Variants in SPAST observed in about 807,000 individuals in gnomAD.
SPAST encodes the protein spastic paraplegia 4 (autosomal dominant; spastin).
In SPAST, 30 loss-of-function variants were observed where a neutral mutation model predicts 76.6. The ratio of observed to expected loss-of-function variants is 0.39; its 90% CI spans 0.29 to 0.53. The LOEUF is 0.53. Among genes scored for constraint, SPAST ranks in the 20% least tolerant of loss-of-function variants. The pLI, the probability that SPAST is intolerant of heterozygous loss-of-function variation, is 0.68. For synonymous variants in SPAST, 305 were observed against 281.0 expected, an observed-to-expected ratio of 1.09 and a Z score of -0.86; for missense variants, 717 against 770.5, an observed-to-expected ratio of 0.93 and a Z score of 0.82.
chr2:32,093,646 T>C (rs1677809585), intron 3 of SPAST, among the ~76,000 whole-genome samples: 1 of 152,190 alleles, frequency 6.6e-6, no homozygotes, highest in Non-Finnish European at 1.5e-5. Context: ...GAATATAAAC[T>C]CTATGGAGGA....
At chr2:32,140,421 G>T (rs1285095719) in intron 12 of SPAST, among the ~76,000 whole-genome samples, 1 of 152,014 alleles carries the variant, frequency 6.6e-6, no homozygotes, top group Non-Finnish European at 1.5e-5. Context: ...CCAGGAGTTT[G>T]AGACCAGCCT....
chr2:32,105,678 C>T (rs144047842), intron 4 of SPAST, among the ~76,000 whole-genome samples: 1,561 of 152,300 alleles, frequency 0.01, 18 homozygotes, highest in Middle Eastern at 0.051. Flanking sequence ...TTCCTTCTAA[C>T]ACTCAGGACC....
At chr2:32,067,486 A>G (rs1299057845) in intron 1 of SPAST, among the ~76,000 whole-genome samples, 1 of 152,164 alleles carries the variant, frequency 6.6e-6, no homozygotes, top group African/African-American at 2.4e-5. Context: ...AAGAAATAGC[A>G]GTTCCATGTG....
rs35245684 is a variant in SPAST at position 32,115,108 on chromosome 2, C to T, written c.870+283C>T. On this transcript the variant is annotated intron_variant, in intron 5 of 16. Coordinates refer to ENST00000315285, the MANE Select transcript of SPAST (RefSeq NM_014946.4). ...GGATTACAGGCATGCACCACCACGT[C>T]GAGCTAATTTTGTATTTTTAGTAGA... Among the ~76,000 whole-genome samples, 14,950 of 151,956 alleles carry T rather than the reference C, an allele frequency of 0.098. 796 individuals are homozygous for T. The highest frequency in any genetic ancestry group is 0.2 in the Middle Eastern group (58 of 294).
At chr2:32,074,410 A>G (rs1383839038) in intron 1 of SPAST, among the ~76,000 whole-genome samples, 1 of 152,100 alleles carries the variant, frequency 6.6e-6, no homozygotes, top group African/African-American at 2.4e-5. Context: ...TCATGCTGAT[A>G]TTCTGTAAGT....
chr2:32,081,220 G>A (rs1677208818), intron 1 of SPAST, among the ~76,000 whole-genome samples: 1 of 152,038 alleles, frequency 6.6e-6, no homozygotes, highest in South Asian at 2.1e-4. Flanking sequence ...GCCTCCCAAA[G>A]TGCTGGGATT....
intron 4 of SPAST, among the ~76,000 whole-genome samples, chr2:32,101,655 G>C (rs897095754): frequency 6.6e-6 from 1 of 152,120 alleles, no homozygotes; most frequent in Non-Finnish European, 1.5e-5. Flanking sequence ...TTTTGTATAA[G>C]GTGTAAGGAA....
chr2:32,101,790 T>G (rs916898476), intron 4 of SPAST, among the ~76,000 whole-genome samples: 5 of 152,188 alleles, frequency 3.3e-5, no homozygotes, highest in African/African-American at 1.2e-4. Flanking sequence ...GTTGTAGATG[T>G]GTGGTATTAT....
chr2:32,153,947 T>C (rs1332974550), intron 16 of SPAST, among the ~76,000 whole-genome samples: 1 of 152,010 alleles, frequency 6.6e-6, no homozygotes, highest in Non-Finnish European at 1.5e-5. Context: ...CATGGAGGCA[T>C]GTGCCTGTAA....
chr2:32,092,336 T>A (rs1227583651), intron 3 of SPAST, among the ~76,000 whole-genome samples: 1 of 152,222 alleles, frequency 6.6e-6, no homozygotes, highest in African/African-American at 2.4e-5. Context: ...TTCTAATTGG[T>A]ACTTTCTACG....
intron 2 of SPAST, among the ~76,000 whole-genome samples, chr2:32,088,364 G>A (rs1208783575): frequency 2.0e-5 from 3 of 150,918 alleles, no homozygotes; most frequent in Non-Finnish European, 4.4e-5. Context: ...ATGTATTTGG[G>A]CCAGGCACAG....
At chr2:32,128,151 C>A in intron 8 of SPAST, 1 of 412,936 alleles carries the variant, frequency 2.4e-6, no homozygotes, top group Non-Finnish European at 4.5e-6. Context: ...TGCGCCACCA[C>A]GCCTGACTAA....
chr2:32,105,863 C>T (rs1678300624), intron 4 of SPAST, among the ~76,000 whole-genome samples: 1 of 152,172 alleles, frequency 6.6e-6, no homozygotes, highest in African/African-American at 2.4e-5. Flanking sequence ...AGGCGTCAGT[C>T]AGCCCGTATG....
At chr2:32,073,253 G>A (rs1319958682) in intron 1 of SPAST, among the ~76,000 whole-genome samples, 2 of 152,178 alleles carry the variant, frequency 1.3e-5, no homozygotes, top group Middle Eastern at 3.4e-3. Context: ...GGTTGGTCTC[G>A]AACTCCTGGC....
At position 32,063,621 on chromosome 2, in the gene SPAST, A is replaced by AC. The variant is rs1443006017; in HGVS notation, c.-209dup. On this transcript the variant is annotated 5_prime_UTR_variant, in exon 1 of 17. Coordinates refer to ENST00000315285, the MANE Select transcript of SPAST (RefSeq NM_014946.4). ...CGACAGGAAGGGAGGGGCCCGAGCCACCGACTGCAGGAGGAGAAGGGGTTG... is the reference window on the plus strand; with the variant it reads ...CGACAGGAAGGGAGGGGCCCGAGCCACCCGACTGCAGGAGGAGAAGGGGTTG... 8 of 601,886 alleles carry AC rather than the reference A, an allele frequency of 1.3e-5. No individual in the cohort carries two copies. The highest frequency in any genetic ancestry group is 2.2e-5 in the Non-Finnish European group (8 of 357,050). 37.3% of individuals were successfully genotyped at this position (601,886 alleles called of 1,614,324 possible). A position where few individuals can be genotyped will look rare whatever the true frequency, so the allele number is the denominator to read the frequency against.
intron 1 of SPAST, among the ~76,000 whole-genome samples, chr2:32,085,974 G>C (rs953688076): frequency 6.6e-6 from 1 of 151,672 alleles, no homozygotes; most frequent in African/African-American, 2.4e-5. Context: ...CCAGGGAGTC[G>C]GAGGTTGCAG....
chr2:32,082,603 G>A (rs1677282859), intron 1 of SPAST, among the ~76,000 whole-genome samples: 1 of 151,990 alleles, frequency 6.6e-6, no homozygotes, highest in African/African-American at 2.4e-5. Flanking sequence ...GGCTGAGGCA[G>A]AAGAATTGCT....
In SPAST at chr2:32,063,653, T is replaced by C. The variant is rs1676372380; in HGVS notation, c.-179T>C. On this transcript the variant is annotated 5_prime_UTR_variant, in exon 1 of 17. Transcript: ENST00000315285. ...GCAGGAGGAGAAGGGGTTGTGCTCC[T>C]GGCCGAGGAAGGAGAAAGGGGCGGG... The C allele has an allele frequency of 2.3e-5, 18 of 766,664 alleles. No homozygotes were observed. Among genetic ancestry groups the C allele is most frequent in the South Asian group, 2.0e-4 (11 of 53,854 alleles). 47.5% of individuals were successfully genotyped at this position (766,664 alleles called of 1,614,324 possible).
intron 4 of SPAST, among the ~76,000 whole-genome samples, chr2:32,107,230 A>T (rs1043448819): frequency 6.6e-6 from 1 of 151,956 alleles, no homozygotes; most frequent in African/African-American, 2.4e-5. Context: ...AAATGCTCTA[A>T]AATTCGACTC....
Sources: allele counts gnomAD v4.1 joint callset (sites outside exome capture counted in the v4.1 genomes callset), GRCh38; gene constraint gnomAD v4.1.1; transcripts MANE v1.5; gene names NCBI Gene and HGNC (gene_info 2026-07-23, HGNC 2026-07-21).